Variants in PCSK5 observed in about 807,000 individuals in gnomAD.
The protein encoded by PCSK5 is proprotein convertase subtilisin/kexin type 5.
A neutral mutation model predicts 233.2 loss-of-function variants in PCSK5; 129 were observed. The ratio of observed to expected loss-of-function variants is 0.55; its 90% confidence interval spans 0.48 to 0.64. The LOEUF (loss-of-function observed/expected upper bound fraction) is 0.64. Among genes scored for constraint, PCSK5 ranks in the 30% least tolerant of loss-of-function variants. The probability of loss-of-function intolerance (pLI) is 0.00; values close to 1 mark genes in which losing one functional copy is unlikely to be tolerated. For missense variants in PCSK5, 2,076 were observed against 2,430.1 expected, an observed-to-expected ratio of 0.85 and a Z score of 3.06; for synonymous variants, 825 against 879.2, an observed-to-expected ratio of 0.94 and a Z score of 1.09.
intron 30 of PCSK5, 44 bp downstream of exon 30, chr9:76,310,895 C>T (rs1265155521): frequency 1.5e-6 from 2 of 1,310,372 alleles, no homozygotes; most frequent in Non-Finnish European, 2.1e-6. Flanking sequence ...TAATCACTCT[C>T]CTCTGGTACT....
intron 3 of PCSK5, among the ~76,000 whole-genome samples, chr9:75,992,146 G>C (rs1826793718): frequency 6.6e-6 from 1 of 152,066 alleles, no homozygotes; most frequent in African/African-American, 2.4e-5. Context: ...CCCAAACTAA[G>C]GAATGGAGTA....
intron 10 of PCSK5, among the ~76,000 whole-genome samples, chr9:76,152,810 C>T (rs7036047): frequency 0.22 from 32,910 of 152,052 alleles, 3,796 homozygotes; most frequent in Non-Finnish European, 0.24. Context: ...TCTTTTAGGC[C>T]TCTTAGCCAA....
At chr9:76,168,418 G>A (rs1247503236) in intron 12 of PCSK5, among the ~76,000 whole-genome samples, 2 of 152,204 alleles carry the variant, frequency 1.3e-5, no homozygotes, top group African/African-American at 2.4e-5. Flanking sequence ...AAAGTGCTGG[G>A]ATTACAGGCA....
intron 35 of PCSK5, among the ~76,000 whole-genome samples, chr9:76,350,377 C>G (rs148917320): frequency 1.3e-5 from 2 of 152,162 alleles, no homozygotes; most frequent in Non-Finnish European, 2.9e-5. Flanking sequence ...AAATGATCTG[C>G]TGAGTCCTTT....
chr9:76,007,939 C>A (rs1827555763), intron 3 of PCSK5, among the ~76,000 whole-genome samples: 1 of 151,926 alleles, frequency 6.6e-6, no homozygotes, highest in Non-Finnish European at 1.5e-5. Context: ...ACTTTCATAT[C>A]TCTTTCTCCA....
chr9:76,277,117 C>G (rs1425121296), intron 24 of PCSK5, among the ~76,000 whole-genome samples: 1 of 152,040 alleles, frequency 6.6e-6, no homozygotes, highest in Non-Finnish European at 1.5e-5. Flanking sequence ...GTAGTCCCAG[C>G]TACTAGGGAG....
chr9:76,225,143 T>A (rs79236502), intron 20 of PCSK5, among the ~76,000 whole-genome samples: 2,086 of 152,240 alleles, frequency 0.014, 46 homozygotes, highest in African/African-American at 0.048. Context: ...TCTGTTCTGG[T>A]TTTTAATCTG....
intron 1 of PCSK5, among the ~76,000 whole-genome samples, chr9:75,922,589 A>G (rs1411711785): frequency 6.6e-6 from 1 of 152,200 alleles, no homozygotes; most frequent in African/African-American, 2.4e-5. Context: ...TTGAGTAGTC[A>G]GTGGACCTAG....
At chr9:76,234,170 C>A (rs899485724) in intron 22 of PCSK5, among the ~76,000 whole-genome samples, 4 of 152,140 alleles carry the variant, frequency 2.6e-5, no homozygotes, top group African/African-American at 9.7e-5. Context: ...CTGTCCCCTA[C>A]CGACCTCATG....
intron 27 of PCSK5, among the ~76,000 whole-genome samples, chr9:76,298,173 G>A (rs1380575902): frequency 6.6e-6 from 1 of 152,126 alleles, no homozygotes; most frequent in South Asian, 2.1e-4. Context: ...AGGGAGCCAA[G>A]AGTTAGAGCA....
chr9:75,906,159 TGTGACCAAGG>T (rs1399343142), intron 1 of PCSK5, among the ~76,000 whole-genome samples: 1 of 152,120 alleles, frequency 6.6e-6, no homozygotes, highest in African/African-American at 2.4e-5. Flanking sequence ...TAGACTAAAG[TGTGACCAAGG>T]GTGAGAGAAC....
chr9:76,328,156 A>G lies in PCSK5; in HGVS notation c.4487A>G (p.Lys1496Arg). Reference sequence around the variant, plus strand: ...TGGGATGAGGATGCTCCCGGGTGCAAGCCCTGCCATGTTAAGTGCTTCCAC... The same window carrying G: ...TGGGATGAGGATGCTCCCGGGTGCAGGCCCTGCCATGTTAAGTGCTTCCAC... Reference protein sequence around the residue: ...EYWDEDAPGCKPCHVKCFHCM... With the variant: ...EYWDEDAPGCRPCHVKCFHCM... The change falls in exon 33 of 38, where the codon AAG becomes AGG. Residue 1496 changes from lysine to arginine, a missense_variant. Lys to Arg is a conservative substitution (Grantham distance 26). This residue lies in a region of PCSK5 where 1,510 missense variants were observed against 1,538.1 expected (regional missense o/e 0.98). Transcript: ENST00000674117. 6.2e-7 allele frequency: 1 copy of G among 1,612,828 alleles called. No individual in the cohort carries two copies. Among genetic ancestry groups the G allele is most frequent in the South Asian group, 1.1e-5 (1 of 91,078 alleles).
chr9:76,181,152 G>A (rs1012366453), intron 15 of PCSK5, among the ~76,000 whole-genome samples: 2 of 152,122 alleles, frequency 1.3e-5, no homozygotes, highest in Non-Finnish European at 2.9e-5. Flanking sequence ...CAAGAGCTAG[G>A]TGCAAACCAG....
At chr9:76,312,502 T>C (rs1828892174) in intron 30 of PCSK5, among the ~76,000 whole-genome samples, 1 of 141,566 alleles carries the variant, frequency 7.1e-6, no homozygotes, top group African/African-American at 2.6e-5. Flanking sequence ...AGAGCGAAAC[T>C]CCATCTCAAA....
At chr9:76,190,565 G>A (rs1364453935) in intron 20 of PCSK5, among the ~76,000 whole-genome samples, 1 of 146,822 alleles carries the variant, frequency 6.8e-6, no homozygotes, top group Non-Finnish European at 1.5e-5. Flanking sequence ...ATTTTTAATA[G>A]CAGCATAAAA....
chr9:76,041,873 G>A lies in PCSK5; in HGVS notation c.632+14836G>A, dbSNP rs575634235. Among the ~76,000 whole-genome samples, 4 of 151,308 alleles carry A rather than the reference G, an allele frequency of 2.6e-5. No individual in the cohort carries two copies. In the East Asian group the frequency reaches 7.8e-4, roughly 30 times the overall value. ...AAAAAAAAAAAAGATTTTATAATGTGTTCACTGTCTTTTTAGCCTCACCCC... is the reference window on the plus strand; with the variant it reads ...AAAAAAAAAAAAGATTTTATAATGTATTCACTGTCTTTTTAGCCTCACCCC... On this transcript the variant is annotated intron_variant, in intron 5 of 37. Transcript: ENST00000674117.
chr9:76,088,713 A>G (rs1334479064), intron 7 of PCSK5, among the ~76,000 whole-genome samples: 2 of 152,196 alleles, frequency 1.3e-5, no homozygotes, highest in Non-Finnish European at 2.9e-5. Context: ...CTCTTATCCC[A>G]TAGATGTCTT....
chr9:76,341,625 T>TG (rs1829839713), intron 35 of PCSK5, among the ~76,000 whole-genome samples: 1 of 152,226 alleles, frequency 6.6e-6, no homozygotes, highest in Non-Finnish European at 1.5e-5. Context: ...TTTATCTATA[T>TG]ACTTTGGAAT....
At chr9:75,890,600 G>A (rs1825542097), upstream of PCSK5, 1 of 152,946 alleles carries the variant, frequency 6.5e-6, no homozygotes, top group Admixed American at 6.5e-5. Context: ...AGAGGAGGAG[G>A]GCGATGTGGG....
Sources: allele counts gnomAD v4.1 joint callset (sites outside exome capture counted in the v4.1 genomes callset), GRCh38; gene constraint gnomAD v4.1.1; regional missense constraint gnomAD v4.1.1; transcripts MANE v1.5; gene names NCBI Gene and HGNC (gene_info 2026-07-23, HGNC 2026-07-21).